LRRTM3: variants seen among roughly 807,000 people sequenced by gnomAD.
LRRTM3 encodes the protein leucine-rich repeat transmembrane neuronal protein 3.
LRRTM3 carries 24 observed loss-of-function variants against 44.7 expected under a neutral mutation model. The ratio of observed to expected loss-of-function variants is 0.54; its 90% CI spans 0.39 to 0.76. LRRTM3 has a LOEUF of 0.76. Among genes scored for constraint, LRRTM3 ranks in the 30% least tolerant of loss-of-function variants. The pLI, the probability that LRRTM3 is intolerant of heterozygous loss-of-function variation, is 0.00. For missense variants in LRRTM3, 587 were observed against 702.2 expected (o/e 0.84, Z 1.85); for synonymous variants, 277 against 278.7 (o/e 0.99, Z 0.06).
chr10:67,060,521 T>A (rs1392480661), intron 2 of LRRTM3, among the ~76,000 whole-genome samples: 1 of 152,214 alleles, frequency 6.6e-6, no homozygotes, highest in Non-Finnish European at 1.5e-5. Context: ...TTTCTAAATA[T>A]CCCAGTAACT....
intron 2 of LRRTM3, among the ~76,000 whole-genome samples, chr10:67,024,253 C>A (rs1372507047): frequency 6.6e-6 from 1 of 152,212 alleles, no homozygotes; most frequent in African/African-American, 2.4e-5. Flanking sequence ...TCCTCTCTAG[C>A]TGCTTCAGTC....
At chr10:67,079,858 AACACACACAC>A (rs199928311) in intron 2 of LRRTM3, among the ~76,000 whole-genome samples, 3,950 of 141,282 alleles carry the variant, frequency 0.028, 111 homozygotes, top group African/African-American at 0.075. Context: ...AAAAAAACAA[AACACACACAC>A]ACACACACAC....
intron 2 of LRRTM3, among the ~76,000 whole-genome samples, chr10:67,002,122 C>G (rs1166212592): frequency 6.6e-6 from 1 of 152,180 alleles, no homozygotes; most frequent in South Asian, 2.1e-4. Context: ...TCAATGATCT[C>G]TAAGCTCTCT....
intron 2 of LRRTM3, among the ~76,000 whole-genome samples, chr10:67,003,948 A>G (rs535829523): frequency 4.6e-5 from 7 of 152,194 alleles, no homozygotes; most frequent in Non-Finnish European, 8.8e-5. Flanking sequence ...AGTAAGTTCT[A>G]TATCAGGTCT....
chr10:67,018,609 C>T (rs1000170137), intron 2 of LRRTM3, among the ~76,000 whole-genome samples: 2 of 152,186 alleles, frequency 1.3e-5, no homozygotes, highest in African/African-American at 4.8e-5. Flanking sequence ...AGTCTGTGGG[C>T]TCTGGAGCCA....
At chr10:66,982,446 C>A (rs1589543227) in intron 2 of LRRTM3, among the ~76,000 whole-genome samples, 1 of 152,144 alleles carries the variant, frequency 6.6e-6, no homozygotes, top group Non-Finnish European at 1.5e-5. Flanking sequence ...TTACACACTT[C>A]TTGAGAAGAT....
chr10:67,012,039 C>G (rs1403442193), intron 2 of LRRTM3, among the ~76,000 whole-genome samples: 1 of 152,148 alleles, frequency 6.6e-6, no homozygotes. Context: ...GAAACAGAAA[C>G]TTAAAGAAAT....
rs530229285 is a variant in LRRTM3 at position 66,941,869 on chromosome 10, A to T, written c.1536+13417A>T. On this transcript the variant is annotated intron_variant, in intron 2 of 2. Coordinates refer to ENST00000361320, the MANE Select transcript of LRRTM3 (RefSeq NM_178011.5). ...CATCAGCATATACAGAGGATGACCT[A>T]AAAAAACCACTTTAAGATAGATGGG... Among the ~76,000 whole-genome samples, 15 of 152,300 alleles carry T rather than the reference A, an allele frequency of 9.8e-5. No individual in the cohort carries two copies. In the South Asian group the frequency reaches 2.1e-3, roughly 21 times the overall value.
At chr10:67,080,016 T>TTTTAGAAATATTCTAGGCTAGGAC (rs1856969463) in intron 2 of LRRTM3, among the ~76,000 whole-genome samples, 1 of 152,114 alleles carries the variant, frequency 6.6e-6, no homozygotes. Context: ...TTGGTTTTGT[T>TTTTAGAAATATTCTAGGCTAGGAC]TTGTTTTCTC....
chr10:66,942,056 G>A (rs945518709), intron 2 of LRRTM3, among the ~76,000 whole-genome samples: 10 of 152,258 alleles, frequency 6.6e-5, no homozygotes, highest in East Asian at 5.8e-4. Context: ...CATGGTATCA[G>A]TTTCCTCATC....
At chr10:67,054,915 C>T (rs1373403166) in intron 2 of LRRTM3, 2 of 152,150 alleles carry the variant, frequency 1.3e-5, no homozygotes, top group Non-Finnish European at 2.9e-5. Context: ...TTACAAATGA[C>T]TGTCATTATA....
At chr10:67,027,403 A>G (rs1249829705) in intron 2 of LRRTM3, among the ~76,000 whole-genome samples, 2 of 151,610 alleles carry the variant, frequency 1.3e-5, no homozygotes, top group Admixed American at 6.6e-5. Flanking sequence ...ATTTCTGTCA[A>G]TGATAATGAC....
intron 2 of LRRTM3, among the ~76,000 whole-genome samples, chr10:67,058,513 C>G (rs964167791): frequency 6.6e-6 from 1 of 152,112 alleles, no homozygotes; most frequent in Admixed American, 6.5e-5. Context: ...ATCTTTGGCC[C>G]TTTCTCCACT....
chr10:67,064,868 A>C (rs2764810), intron 2 of LRRTM3, among the ~76,000 whole-genome samples: 77,101 of 151,810 alleles, frequency 0.51, 19,915 homozygotes, highest in Middle Eastern at 0.64. Flanking sequence ...TTTATATGTA[A>C]GTATTTGCAG....
chr10:66,974,189 A>G (rs1849892776), intron 2 of LRRTM3, among the ~76,000 whole-genome samples: 1 of 152,132 alleles, frequency 6.6e-6, no homozygotes, highest in African/African-American at 2.4e-5. Flanking sequence ...AAATCATTCA[A>G]TGTAGGTTTT....
At position 67,066,062 on chromosome 10, in the gene LRRTM3, G is replaced by A. The variant is rs139980430; in HGVS notation, c.1537-31525G>A. 4.9e-3 allele frequency among the ~76,000 whole-genome samples: 748 copies of A among 152,184 alleles called. 6 individuals are homozygous for A. Among genetic ancestry groups the A allele is most frequent in the African/African-American group, 0.017 (706 of 41,518 alleles). On this transcript the variant is annotated intron_variant, in intron 2 of 2. Coordinates refer to ENST00000361320, the MANE Select transcript of LRRTM3 (RefSeq NM_178011.5). ...CTGATGATCTATGAGGTTATTTAGG[G>A]TCTGTGTGAAACTTTTAGTTCTCTC...
chr10:67,010,144 AAAAT>A (rs1409137984), intron 2 of LRRTM3, among the ~76,000 whole-genome samples: 1 of 152,208 alleles, frequency 6.6e-6, no homozygotes, highest in African/African-American at 2.4e-5. Flanking sequence ...CATTACAAGA[AAAAT>A]AAACACACAC....
chr10:67,036,528 G>C (rs915583341), intron 2 of LRRTM3, among the ~76,000 whole-genome samples: 2 of 152,044 alleles, frequency 1.3e-5, no homozygotes, highest in Non-Finnish European at 2.9e-5. Flanking sequence ...GCCGGGCGTG[G>C]TGGCAGCTTT....
At chr10:67,037,471 T>A (rs1280260543) in intron 2 of LRRTM3, among the ~76,000 whole-genome samples, 1 of 152,168 alleles carries the variant, frequency 6.6e-6, no homozygotes, top group Non-Finnish European at 1.5e-5. Flanking sequence ...TTTCTTTTCT[T>A]TAGCTTTTAG....
Sources: gnomAD v4.1 joint callset for allele counts (sites outside exome capture counted in the v4.1 genomes callset) on GRCh38, gnomAD v4.1.1 for gene constraint, MANE v1.5 for transcripts, NCBI Gene and HGNC (gene_info 2026-07-23, HGNC 2026-07-21) for gene names.